ASAP1: variants seen among roughly 807,000 people sequenced by gnomAD.
ASAP1 encodes the protein ArfGAP with SH3 domain, ankyrin repeat and PH domain 1.
ASAP1 carries 43 observed loss-of-function variants against 145.2 expected under a neutral mutation model. The ratio of observed to expected loss-of-function variants is 0.30; its 90% CI spans 0.23 to 0.38. The LOEUF (loss-of-function observed/expected upper bound fraction) is 0.38, where lower values mean the gene tolerates loss of function less well. ASAP1 is among the 10% of genes least tolerant of loss of function. The pLI is 1.00. For missense variants in ASAP1, 1,018 were observed against 1,355.3 expected, an observed-to-expected ratio of 0.75 and a Z score of 3.91; for synonymous variants, 546 against 515.5, an observed-to-expected ratio of 1.06 and a Z score of -0.80.
chr8:130,213,186 A>G (rs1319654179), intron 5 of ASAP1, among the ~76,000 whole-genome samples: 1 of 152,240 alleles, frequency 6.6e-6, no homozygotes, highest in Non-Finnish European at 1.5e-5. Context: ...GAAACATTAG[A>G]GCCAAAGTTC....
At chr8:130,226,289 T>C (rs1817582830) in intron 4 of ASAP1, among the ~76,000 whole-genome samples, 1 of 152,246 alleles carries the variant, frequency 6.6e-6, no homozygotes, top group Admixed American at 6.5e-5. Context: ...ACAGACACCA[T>C]ATTATTGGGG....
At chr8:130,310,138 T>G (rs796901881) in intron 3 of ASAP1, among the ~76,000 whole-genome samples, 1,009 of 54,216 alleles carry the variant, frequency 0.019, 23 homozygotes, top group African/African-American at 0.072. Flanking sequence ...CAGTTTTTTT[T>G]GGGGGGGGGA....
At chr8:130,366,450 T>G (rs750126189) in intron 2 of ASAP1, among the ~76,000 whole-genome samples, 4 of 152,176 alleles carry the variant, frequency 2.6e-5, no homozygotes, top group Non-Finnish European at 4.4e-5. Flanking sequence ...CTATTGTGAT[T>G]GACACAGTTC....
chr8:130,383,168 A>G (rs1013212496), intron 2 of ASAP1, among the ~76,000 whole-genome samples: 2 of 152,090 alleles, frequency 1.3e-5, no homozygotes, highest in Non-Finnish European at 2.9e-5. Context: ...TCTGGTCCCC[A>G]TTCCCTTTTT....
chr8:130,315,789 C>T (rs6991855), intron 3 of ASAP1, among the ~76,000 whole-genome samples: 2,489 of 152,336 alleles, frequency 0.016, 70 homozygotes, highest in African/African-American at 0.056. Context: ...AAAAGCAACA[C>T]TGAGCACCCA....
chr8:130,152,862 G>T, intron 12 of ASAP1, 57 bp from the exon 13 acceptor site: 1 of 1,301,768 alleles, frequency 7.7e-7, no homozygotes, highest in Non-Finnish European at 1.1e-6. Flanking sequence ...TGGGACATGC[G>T]ACGATACAGT....
At chr8:130,115,045 C>T (rs947910284) in intron 23 of ASAP1, among the ~76,000 whole-genome samples, 9 of 152,176 alleles carry the variant, frequency 5.9e-5, no homozygotes, top group South Asian at 2.1e-4. Context: ...TAGGCATGAG[C>T]CACCATGCCT....
At position 130,060,706 on chromosome 8, in the gene ASAP1, T is replaced by C; in HGVS notation, c.3065A>G (p.His1022Arg). 1.2e-6 allele frequency: 2 copies of C among 1,614,140 alleles called. No homozygotes were observed. Among genetic ancestry groups the C allele is most frequent in the Non-Finnish European group, 1.7e-6 (2 of 1,180,036 alleles). The change falls in exon 28 of 30, where the codon CAC becomes CGC. Residue 1022 changes from histidine to arginine, a missense_variant. Physicochemically the swap from His to Arg is conservative, Grantham distance 29. Transcript: ENST00000518721. ...QQPSEVTLKS[H>R]PLDLSPNVQS... ...CACATTTGGGGATAGATCCAATGGG[T>C]GTGACTTCAGTGTGACCTCAGAGGG...
chr8:130,359,545 C>G (rs921681772), intron 2 of ASAP1, among the ~76,000 whole-genome samples: 1 of 151,990 alleles, frequency 6.6e-6, no homozygotes, highest in African/African-American at 2.4e-5. Flanking sequence ...GAAGGCTGAG[C>G]CTGTCCTCTG....
chr8:130,149,203 G>C (rs2135932533), intron 13 of ASAP1, among the ~76,000 whole-genome samples: 1 of 148,460 alleles, frequency 6.7e-6, no homozygotes, highest in South Asian at 2.2e-4. Context: ...CTGGTATTTT[G>C]AAATGAAAGC....
intron 1 of ASAP1, among the ~76,000 whole-genome samples, chr8:130,417,650 T>C (rs2138682603): frequency 6.7e-6 from 1 of 149,082 alleles, no homozygotes; most frequent in Non-Finnish European, 1.5e-5. Flanking sequence ...GGCAAATGCA[T>C]GGGCTGACAA....
At chr8:130,228,700 T>C (rs1391972462) in intron 4 of ASAP1, among the ~76,000 whole-genome samples, 1 of 129,118 alleles carries the variant, frequency 7.7e-6, no homozygotes. Flanking sequence ...GACCCTGTCT[T>C]AAAAAAAAAA....
At chr8:130,205,620 CACTT>C (rs1223238005) in intron 5 of ASAP1, among the ~76,000 whole-genome samples, 7 of 128,918 alleles carry the variant, frequency 5.4e-5, no homozygotes, top group South Asian at 2.7e-4. Flanking sequence ...AGCTTAAACT[CACTT>C]AATAGCAAAA....
At chr8:130,240,769 T>A (rs1193193941) in intron 3 of ASAP1, among the ~76,000 whole-genome samples, 1 of 152,150 alleles carries the variant, frequency 6.6e-6, no homozygotes, top group African/African-American at 2.4e-5. Context: ...GGATCAGGGA[T>A]GGTAGTCTAG....
intron 3 of ASAP1, among the ~76,000 whole-genome samples, chr8:130,276,322 A>G (rs1820879444): frequency 6.6e-6 from 1 of 152,224 alleles, no homozygotes; most frequent in Non-Finnish European, 1.5e-5. Flanking sequence ...TACTGTGACA[A>G]AAGCTACATT....
At chr8:130,081,909 A>T (rs2097481411) in intron 25 of ASAP1, among the ~76,000 whole-genome samples, 1 of 152,228 alleles carries the variant, frequency 6.6e-6, no homozygotes. Context: ...AATTATGCTT[A>T]TGAGATAAAT....
chr8:130,411,987 G>A (rs1018921562), intron 1 of ASAP1, among the ~76,000 whole-genome samples: 3 of 152,120 alleles, frequency 2.0e-5, no homozygotes, highest in Admixed American at 6.5e-5. Context: ...TTACTCCCTC[G>A]CAGGAAGCCC....
At chr8:130,229,501 CAAG>C (rs896919714) in intron 4 of ASAP1, among the ~76,000 whole-genome samples, 11 of 152,246 alleles carry the variant, frequency 7.2e-5, no homozygotes, top group African/African-American at 2.2e-4. Context: ...CTGTAGTTGT[CAAG>C]AAGGGTCTGT....
intron 5 of ASAP1, among the ~76,000 whole-genome samples, chr8:130,200,227 TGGTA>T (rs1427025994): frequency 4.6e-5 from 7 of 152,092 alleles, no homozygotes; most frequent in Non-Finnish European, 8.8e-5. Flanking sequence ...TTTTGGACAG[TGGTA>T]AATGGAAACA....
Sources: gnomAD v4.1 joint callset for allele counts (sites outside exome capture counted in the v4.1 genomes callset) on GRCh38, gnomAD v4.1.1 for gene constraint, MANE v1.5 for transcripts, NCBI Gene and HGNC (gene_info 2026-07-23, HGNC 2026-07-21) for gene names.